Variants in OR5A1 observed in about 807,000 individuals in gnomAD.
The protein encoded by OR5A1 is olfactory receptor family 5 subfamily A member 1.
Under a neutral mutation model 6.7 loss-of-function variants are expected in OR5A1, and 6 were observed. The observed-to-expected ratio is 0.89, with a 90% CI of 0.49 to 1.76. OR5A1 has a LOEUF of 1.76. OR5A1 is among the 40% of genes most tolerant of loss of function. The pLI is 0.01. For missense variants in OR5A1, 378 were observed against 381.7 expected, an observed-to-expected ratio of 0.99 and a Z score of 0.08; for synonymous variants, 170 against 155.0, an observed-to-expected ratio of 1.10 and a Z score of -0.72.
At position 59,444,225 on chromosome 11, in the gene OR5A1, G is replaced by A. The variant is rs1858521460; in HGVS notation, c.*109G>A. The A allele has an allele frequency of 1.5e-6, 1 of 685,926 alleles. No homozygotes were observed. Among genetic ancestry groups the A allele is most frequent in the African/African-American group, 1.8e-5 (1 of 55,386 alleles). 42.5% of individuals were successfully genotyped at this position (685,926 alleles called of 1,614,324 possible). The stretch of plus-strand genomic sequence containing the variant: ...GAGATATTTGGTGCTCTCATTTGTG[G>A]AGACTCTTCCCTCCAGATTCCTCTC... On this transcript the variant is annotated 3_prime_UTR_variant, in exon 2 of 2. Coordinates refer to ENST00000641045, the MANE Select transcript of OR5A1 (RefSeq NM_001004728.2).
In OR5A1 at chr11:59,448,541, T is replaced by A. The variant is rs555129679; in HGVS notation, c.*4425T>A. 1 of 152,152 alleles carries A rather than the reference T, an allele frequency of 6.6e-6. No individual in the cohort carries two copies. The highest frequency in any genetic ancestry group is 2.4e-5 in the African/African-American group (1 of 41,522). The allele number at this position is 152,152 out of a possible 1,614,324, so 9.4% of individuals were successfully genotyped here. A position where few individuals can be genotyped will look rare whatever the true frequency, so the allele number is the denominator to read the frequency against. ...ATTTTTAGAAATCTCTTAGAAAAAA[T>A]TTAAAACATTATATAAATACCAGGG... On this transcript the variant is annotated 3_prime_UTR_variant, in exon 2 of 2. Transcript: ENST00000641045.
In OR5A1 at chr11:59,443,374, T is replaced by A. The variant is rs1427518775; in HGVS notation, c.206T>A (p.Leu69Ter). ...HTPMYFFLSN[L>*]SFIDICYSSA... ...CCCATGTACTTCTTCCTAAGCAACTTATCTTTCATTGACATCTGCTACTCT... is the reference window on the plus strand; with the variant it reads ...CCCATGTACTTCTTCCTAAGCAACTAATCTTTCATTGACATCTGCTACTCT... The change falls in exon 2 of 2, where the codon TTA (leucine) becomes TAA (stop). Residue 69 changes from leucine (L) to a stop codon, truncating the protein, a stop_gained. Coordinates refer to ENST00000641045, the MANE Select transcript of OR5A1 (RefSeq NM_001004728.2). LOFTEE classifies it high-confidence loss of function. 2.5e-6 allele frequency: 4 copies of A among 1,613,774 alleles called. No homozygotes were observed. The highest frequency in any genetic ancestry group is 3.4e-6 in the Non-Finnish European group (4 of 1,179,966).
In OR5A1 at chr11:59,436,524, C is replaced by G. The variant is rs1858416479; in HGVS notation, c.-345C>G. The G allele has an allele frequency of 1.3e-5, 2 of 152,184 alleles. No homozygotes were observed. The highest frequency in any genetic ancestry group is 2.9e-5 in the Non-Finnish European group (2 of 68,082). The allele number at this position is 152,184 out of a possible 1,614,324, so 9.4% of individuals were successfully genotyped here. ...ACCTCTCCCCAATTTACCCCCAACC[C>G]CAGCTTTGAACATTTTCTCAAAATG... On this transcript the variant is annotated 5_prime_UTR_variant, in exon 1 of 2. Coordinates refer to ENST00000641045, the MANE Select transcript of OR5A1 (RefSeq NM_001004728.2).
rs1339068614 is a variant in OR5A1 at position 59,445,108 on chromosome 11, C to T, written c.*992C>T. The stretch of plus-strand genomic sequence containing the variant: ...TGATTTGCTGCACCTATCCACCCAT[C>T]ACCTAGGTATTAAGCCCCACATCCG... On this transcript the variant is annotated 3_prime_UTR_variant, in exon 2 of 2. Coordinates refer to ENST00000641045, the MANE Select transcript of OR5A1 (RefSeq NM_001004728.2). The T allele has an allele frequency of 6.6e-6, 1 of 152,140 alleles. No homozygotes were observed. The highest frequency in any genetic ancestry group is 1.9e-4 in the East Asian group (1 of 5,198). The allele number at this position is 152,140 out of a possible 1,614,324, so 9.4% of individuals were successfully genotyped here.
chr11:59,438,344 T>C (rs1176575720), intron 1 of OR5A1, among the ~76,000 whole-genome samples: 1 of 152,006 alleles, frequency 6.6e-6, no homozygotes, highest in Non-Finnish European at 1.5e-5. Flanking sequence ...TTCAGTAGCA[T>C]TTTTTTTAAG....
chr11:59,438,046 T>C (rs991047568), intron 1 of OR5A1, among the ~76,000 whole-genome samples: 1 of 152,124 alleles, frequency 6.6e-6, no homozygotes, highest in Non-Finnish European at 1.5e-5. Context: ...CTCTCTCTCT[T>C]GCATCTGCTC....
chr11:59,442,242 A>C (rs1858489771), intron 1 of OR5A1, among the ~76,000 whole-genome samples: 1 of 152,158 alleles, frequency 6.6e-6, no homozygotes, highest in South Asian at 2.1e-4. Flanking sequence ...AGGTCGTTCG[A>C]GACCAGCCTG....
chr11:59,448,641 GCCAATCTCGCC>G lies in OR5A1; in HGVS notation c.*4529_*4539del, dbSNP rs1256001283. 6 of 152,118 alleles carry G rather than the reference GCCAATCTCGCC, an allele frequency of 3.9e-5. No individual in the cohort carries two copies. The highest frequency in any genetic ancestry group is 1.4e-4 in the African/African-American group (6 of 41,420). 9.4% of individuals were successfully genotyped at this position (152,118 alleles called of 1,614,324 possible). On this transcript the variant is annotated 3_prime_UTR_variant, in exon 2 of 2. Coordinates refer to ENST00000641045, the MANE Select transcript of OR5A1 (RefSeq NM_001004728.2). ...TCCCTGGACCTCACTAAATCCCTGG[GCCAATCTCGCC>G]CCATTCTTGCCCTTTGGTGTGAATC...
At position 59,447,334 on chromosome 11, in the gene OR5A1, C is replaced by T. The variant is rs937924505; in HGVS notation, c.*3218C>T. The T allele has an allele frequency of 6.6e-6, 1 of 152,192 alleles. No homozygotes were observed. Among genetic ancestry groups the T allele is most frequent in the Admixed American group, 6.5e-5 (1 of 15,282 alleles). 9.4% of individuals were successfully genotyped at this position (152,192 alleles called of 1,614,324 possible). On this transcript the variant is annotated 3_prime_UTR_variant, in exon 2 of 2. Coordinates refer to ENST00000641045, the MANE Select transcript of OR5A1 (RefSeq NM_001004728.2). ...CCCATGCCTCCATTTTTCTATTGCA[C>T]ATCTTCCAAAATGTAGGCCCAGAAG...
In OR5A1 at chr11:59,446,356, G is replaced by A. The variant is rs1426611661; in HGVS notation, c.*2240G>A. ...TCTATTGGTCTACGTGTCTGTTTTT[G>A]TACAAGTACCATGTTGTTTTGGTTA... On this transcript the variant is annotated 3_prime_UTR_variant, in exon 2 of 2. Coordinates refer to ENST00000641045, the MANE Select transcript of OR5A1 (RefSeq NM_001004728.2). 6.6e-6 allele frequency: 1 copy of A among 152,126 alleles called. No individual in the cohort carries two copies. Among genetic ancestry groups the A allele is most frequent in the Non-Finnish European group, 1.5e-5 (1 of 68,014 alleles). The allele number at this position is 152,126 out of a possible 1,614,324, so 9.4% of individuals were successfully genotyped here.
In OR5A1 at chr11:59,444,515, T is replaced by G. The variant is rs1248263649; in HGVS notation, c.*399T>G. ...GAAACAGTGTGTCAGCAAGGAAAAT[T>G]AACTTGCTCAGGGTCACCAAGGAAG... On this transcript the variant is annotated 3_prime_UTR_variant, in exon 2 of 2. Coordinates refer to ENST00000641045, the MANE Select transcript of OR5A1 (RefSeq NM_001004728.2). 1 of 157,426 alleles carries G rather than the reference T, an allele frequency of 6.4e-6. No homozygotes were observed. Among genetic ancestry groups the G allele is most frequent in the Non-Finnish European group, 1.4e-5 (1 of 71,108 alleles). The allele number at this position is 157,426 out of a possible 1,614,324, so 9.8% of individuals were successfully genotyped here. A position where few individuals can be genotyped will look rare whatever the true frequency, so the allele number is the denominator to read the frequency against.
rs1179717643 is a variant in OR5A1, at chr11:59,448,910, T to C, written c.*4794T>C. ...GTTGATGAAATTTCTGTAATCGTTA[T>C]CATACAAGGACTTTGCATCAAATTT... On this transcript the variant is annotated 3_prime_UTR_variant, in exon 2 of 2. Transcript: ENST00000641045. 1 of 152,180 alleles carries C rather than the reference T, an allele frequency of 6.6e-6. No individual in the cohort carries two copies. Among genetic ancestry groups the C allele is most frequent in the African/African-American group, 2.4e-5 (1 of 41,458 alleles). The allele number at this position is 152,180 out of a possible 1,614,324, so 9.4% of individuals were successfully genotyped here.
rs751897912 is a variant in OR5A1 at position 59,445,424 on chromosome 11, G to A, written c.*1308G>A. 2.0e-5 allele frequency: 3 copies of A among 152,092 alleles called. No individual in the cohort carries two copies. Among genetic ancestry groups the A allele is most frequent in the Non-Finnish European group, 4.4e-5 (3 of 68,004 alleles). 9.4% of individuals were successfully genotyped at this position (152,092 alleles called of 1,614,324 possible). A position where few individuals can be genotyped will look rare whatever the true frequency, so the allele number is the denominator to read the frequency against. On this transcript the variant is annotated 3_prime_UTR_variant, in exon 2 of 2. Coordinates refer to ENST00000641045, the MANE Select transcript of OR5A1 (RefSeq NM_001004728.2). ...CAGTCTCTCATTGATGGGAATTTGG[G>A]TTGATTCCATGTCTTTGCTATTGTG...
chr11:59,438,177 A>G (rs1858443199), intron 1 of OR5A1, among the ~76,000 whole-genome samples: 2 of 152,186 alleles, frequency 1.3e-5, no homozygotes, highest in Admixed American at 6.5e-5. Flanking sequence ...CTGTGAGCCA[A>G]TTAAACCTCT....
rs1858584577 is a variant in OR5A1 at position 59,448,962 on chromosome 11, C to G, written c.*4846C>G. ...ATGTTGATATAATTTAGAGAAGGAG[C>G]CTTTGGAGATTCCTCAGACTTCCCT... On this transcript the variant is annotated 3_prime_UTR_variant, in exon 2 of 2. Coordinates refer to ENST00000641045, the MANE Select transcript of OR5A1 (RefSeq NM_001004728.2). 2 of 151,932 alleles carry G rather than the reference C, an allele frequency of 1.3e-5. No homozygotes were observed. The highest frequency in any genetic ancestry group is 6.6e-5 in the Admixed American group (1 of 15,236). 9.4% of individuals were successfully genotyped at this position (151,932 alleles called of 1,614,324 possible). A position where few individuals can be genotyped will look rare whatever the true frequency, so the allele number is the denominator to read the frequency against.
At chr11:59,441,843 G>A (rs140810021) in intron 1 of OR5A1, among the ~76,000 whole-genome samples, 12 of 152,172 alleles carry the variant, frequency 7.9e-5, no homozygotes, top group Admixed American at 2.6e-4. Flanking sequence ...CAGTTACTAT[G>A]GGCCAGGCAT....
chr11:59,444,163 A>G lies in OR5A1; in HGVS notation c.*47A>G. 7.6e-7 allele frequency: 1 copy of G among 1,321,844 alleles called. No individual in the cohort carries two copies. The highest frequency in any genetic ancestry group is 1.1e-6 in the Non-Finnish European group (1 of 937,312). 81.9% of individuals were successfully genotyped at this position (1,321,844 alleles called of 1,614,324 possible). A position where few individuals can be genotyped will look rare whatever the true frequency, so the allele number is the denominator to read the frequency against. On this transcript the variant is annotated 3_prime_UTR_variant, in exon 2 of 2. Coordinates refer to ENST00000641045, the MANE Select transcript of OR5A1 (RefSeq NM_001004728.2). ...ATCCAAACTGCTGGAGAATTAAACA[A>G]TCCAAGCCTTCACCTCCACCTCTGC...
rs751303264 is a variant in OR5A1, at chr11:59,444,041, C to T, written c.873C>T (p.Leu291=). The change falls in exon 2 of 2, where the codon CTC becomes CTT. Residue 291 remains leucine, a synonymous_variant. Coordinates refer to ENST00000641045, the MANE Select transcript of OR5A1 (RefSeq NM_001004728.2). ...YSLVIPMLNP[L]IYSLRNKEIK... ...TGGTGATCCCCATGCTGAACCCTCT[C>T]ATTTACAGTTTGAGGAACAAAGAGA... 4.3e-6 allele frequency: 7 copies of T among 1,613,960 alleles called. No homozygotes were observed. The highest frequency in any genetic ancestry group is 2.2e-5 in the South Asian group (2 of 91,078).
In OR5A1 at chr11:59,443,142, A is replaced by T. The variant is rs2134537046; in HGVS notation, c.-27A>T. ...ACTGTCATTACTATCCCAGGTCTGC[A>T]TCTTGTCCTTGTGGTCCACGGGAAG... On this transcript the variant is annotated 5_prime_UTR_variant, in exon 2 of 2. Transcript: ENST00000641045. 1 of 1,577,004 alleles carries T rather than the reference A, an allele frequency of 6.3e-7. No individual in the cohort carries two copies. Among genetic ancestry groups the T allele is most frequent in the Non-Finnish European group, 8.7e-7 (1 of 1,148,912 alleles).
Sources: gnomAD v4.1 joint callset for allele counts (sites outside exome capture counted in the v4.1 genomes callset) on GRCh38, gnomAD v4.1.1 for gene constraint, MANE v1.5 for transcripts, NCBI Gene and HGNC (gene_info 2026-07-23, HGNC 2026-07-21) for gene names.